Variants in GFOD2 observed in about 807,000 individuals in gnomAD.
GFOD2 encodes Gfo/Idh/MocA-like oxidoreductase domain containing 2.
GFOD2 carries 9 observed loss-of-function variants against 24.6 expected under a neutral mutation model. That is an observed-to-expected ratio of 0.37 (90% CI 0.22 to 0.64). GFOD2 has a LOEUF of 0.64. Ranked by LOEUF, GFOD2 falls within the 30% of genes least tolerant of loss-of-function variation. The probability of loss-of-function intolerance (pLI) is 0.65; values close to 1 mark genes in which losing one functional copy is unlikely to be tolerated. For missense variants in GFOD2, 476 were observed against 532.5 expected, an observed-to-expected ratio of 0.89 and a Z score of 1.04; for synonymous variants, 211 against 224.8, an observed-to-expected ratio of 0.94 and a Z score of 0.55.
chr16:67,687,153 A>G (rs1349092388), intron 1 of GFOD2, among the ~76,000 whole-genome samples: 3 of 151,676 alleles, frequency 2.0e-5, no homozygotes, highest in Non-Finnish European at 4.4e-5. Flanking sequence ...GTCACAAAAA[A>G]AAAAAAAAAA....
At chr16:67,685,358 C>G (rs145414699) in intron 2 of GFOD2, 99 bp downstream of exon 2, 4 of 1,556,626 alleles carry the variant, frequency 2.6e-6, no homozygotes, top group Non-Finnish European at 1.7e-6. Context: ...CCTGCAGATG[C>G]GAGCCCAGGA....
chr16:67,688,430 A>T (rs1371155918), intron 1 of GFOD2, among the ~76,000 whole-genome samples: 2 of 152,156 alleles, frequency 1.3e-5, no homozygotes, highest in African/African-American at 2.4e-5. Context: ...TTCATTGTAG[A>T]GTTTTTCTTC....
chr16:67,711,323 CA>C (rs941419982), intron 1 of GFOD2, among the ~76,000 whole-genome samples: 5 of 152,138 alleles, frequency 3.3e-5, no homozygotes, highest in Non-Finnish European at 7.4e-5. Context: ...TGGCAGGTTC[CA>C]ACCTCCTTGA....
chr16:67,677,783 A>G (rs1287853184), intron 2 of GFOD2: 1 of 152,288 alleles, frequency 6.6e-6, no homozygotes, highest in East Asian at 1.9e-4. Flanking sequence ...GTTGAAGCCC[A>G]TCTGGGCAAT....
chr16:67,685,709 T>A lies in GFOD2; in HGVS notation c.7A>T (p.Met3Leu). The stretch of plus-strand genomic sequence containing the variant: ...CCAAACACGCCCACTCCTGGCAGCA[T>A]CTTCATCCCAGCCTCTCTCTTTACC... MK[M>L]LPGVGVFGTG... Residue 3 changes from methionine to leucine, a missense_variant, in exon 2 of 3, where the codon ATG (methionine) becomes TTG (leucine). Transcript: ENST00000268797. 4 of 1,610,446 alleles carry A rather than the reference T, an allele frequency of 2.5e-6. No homozygotes were observed. The highest frequency in any genetic ancestry group is 3.4e-6 in the Non-Finnish European group (4 of 1,178,752).
Position 67,674,988 on chromosome 16 carries a change from G to A in GFOD2, c.*167C>T, listed in dbSNP as rs534218494. ...ACATTTGCCACCCTGCAAGTCTGAGGAGCAGATGAGCCACTGGAGGGGGCG... is the reference window on the plus strand; with the variant it reads ...ACATTTGCCACCCTGCAAGTCTGAGAAGCAGATGAGCCACTGGAGGGGGCG... On this transcript the variant is annotated 3_prime_UTR_variant, in exon 3 of 3. Coordinates refer to ENST00000268797, the MANE Select transcript of GFOD2 (RefSeq NM_030819.4). 1.2e-3 allele frequency: 895 copies of A among 727,966 alleles called. 6 individuals are homozygous for A. In the African/African-American group the frequency reaches 0.014, roughly 11 times the overall value. 45.1% of individuals were successfully genotyped at this position (727,966 alleles called of 1,614,324 possible). A position where few individuals can be genotyped will look rare whatever the true frequency, so the allele number is the denominator to read the frequency against.
chr16:67,703,887 T>C (rs1202828634), intron 1 of GFOD2, among the ~76,000 whole-genome samples: 2 of 152,178 alleles, frequency 1.3e-5, no homozygotes, highest in African/African-American at 4.8e-5. Flanking sequence ...CATTCTACTT[T>C]CTGTCTCTGA....
intron 2 of GFOD2, 195 bp downstream of exon 2, chr16:67,685,262 A>G: frequency 7.0e-7 from 1 of 1,433,982 alleles, no homozygotes; most frequent in Non-Finnish European, 9.1e-7. Flanking sequence ...AGGGATTTAC[A>G]GATGGGAGGT....
Position 67,675,706 on chromosome 16 carries a change from T to C in GFOD2, c.607A>G (p.Thr203Ala), listed in dbSNP as rs904750708. The C allele has an allele frequency of 6.2e-7, 1 of 1,613,908 alleles. No individual in the cohort carries two copies. The highest frequency in any genetic ancestry group is 1.3e-5 in the African/African-American group (1 of 74,946). The part of the protein sequence containing the change: ...RAEKVHGLLK[T>A]FVRQNAAIRG... ...ATGGCAGCGTTCTGCCTCACGAATG[T>C]CTTGAGCAGCCCGTGCACCTTCTCG... The change falls in exon 3 of 3, where the codon ACA (threonine) becomes GCA (alanine). Residue 203 changes from threonine to alanine, a missense_variant. Physicochemically the swap from Thr to Ala is moderately conservative, Grantham distance 58. Transcript: ENST00000268797.
intron 1 of GFOD2, among the ~76,000 whole-genome samples, chr16:67,701,894 T>C (rs2053404923): frequency 6.6e-6 from 1 of 151,694 alleles, no homozygotes; most frequent in South Asian, 2.1e-4. Context: ...GAGACTTTGG[T>C]GTGGAGGCTG....
chr16:67,675,138 G>A lies in GFOD2; in HGVS notation c.*17C>T, dbSNP rs1273135421. On this transcript the variant is annotated 3_prime_UTR_variant, in exon 3 of 3. Coordinates refer to ENST00000268797, the MANE Select transcript of GFOD2 (RefSeq NM_030819.4). Reference sequence around the variant, plus strand: ...CCCTGGTCCCTCTGCCCTGTGGCAAGGAGCCCAGGTGCAGGCTCATAGGTT... The same window carrying A: ...CCCTGGTCCCTCTGCCCTGTGGCAAAGAGCCCAGGTGCAGGCTCATAGGTT... The A allele has an allele frequency of 3.1e-6, 5 of 1,595,846 alleles. No homozygotes were observed. The highest frequency in any genetic ancestry group is 4.3e-6 in the Non-Finnish European group (5 of 1,169,142).
intron 1 of GFOD2, among the ~76,000 whole-genome samples, chr16:67,715,845 A>AC (rs1384334017): frequency 1.3e-5 from 2 of 152,032 alleles, no homozygotes; most frequent in Non-Finnish European, 2.9e-5. Flanking sequence ...CAAAAAAAAA[A>AC]AAAACTTGTT....
At chr16:67,698,212 CTCCTT>C (rs759255295) in intron 1 of GFOD2, among the ~76,000 whole-genome samples, 6 of 152,192 alleles carry the variant, frequency 3.9e-5, no homozygotes, top group Non-Finnish European at 7.3e-5. Flanking sequence ...AAGGTCACAG[CTCCTT>C]TAGAGGACCC....
chr16:67,700,477 C>T (rs1180432626), intron 1 of GFOD2, among the ~76,000 whole-genome samples: 2 of 152,086 alleles, frequency 1.3e-5, no homozygotes, highest in Non-Finnish European at 2.9e-5. Context: ...AAATTAAGGC[C>T]GGGCACGGTG....
intron 1 of GFOD2, among the ~76,000 whole-genome samples, chr16:67,715,835 CA>C (rs780303741): frequency 0.019 from 2,406 of 124,626 alleles, 51 homozygotes; most frequent in East Asian, 0.072. Flanking sequence ...CCCATCTCTA[CA>C]AAAAAAAAAA....
chr16:67,675,223 C>T lies in GFOD2; in HGVS notation c.1090G>A (p.Glu364Lys). 6.2e-7 allele frequency: 1 copy of T among 1,613,888 alleles called. No homozygotes were observed. Among genetic ancestry groups the T allele is most frequent in the Non-Finnish European group, 8.5e-7 (1 of 1,180,028 alleles). The change falls in exon 3 of 3, where the codon GAG becomes AAG. Residue 364 changes from glutamate (E) to lysine (K), a missense_variant. Coordinates refer to ENST00000268797, the MANE Select transcript of GFOD2 (RefSeq NM_030819.4). ...GTGTCGGGCTCCTCCGTCAGCACCT[C>T]CACAGCCTCCCACTCCCCGGATCGG... ...SSRSGEWEAV[E>K]VLTEEPDTNQ... is the part of the protein sequence containing the mutation.
chr16:67,681,344 T>G, intron 2 of GFOD2: 2 of 985,372 alleles, frequency 2.0e-6, no homozygotes, highest in Non-Finnish European at 1.2e-6. Context: ...GTGATAAAAC[T>G]AGGATAAGGA....
intron 1 of GFOD2, among the ~76,000 whole-genome samples, chr16:67,696,477 A>G (rs1193030709): frequency 2.6e-5 from 4 of 151,320 alleles, no homozygotes. Context: ...AATGGACTAG[A>G]ATTTTTTTTC....
Position 67,674,910 on chromosome 16 carries a change from G to A in GFOD2, c.*245C>T, listed in dbSNP as rs986598441. The A allele has an allele frequency of 2.0e-6, 1 of 501,998 alleles. No individual in the cohort carries two copies. The highest frequency in any genetic ancestry group is 3.0e-5 in the South Asian group (1 of 32,876). The allele number at this position is 501,998 out of a possible 1,614,324, so 31.1% of individuals were successfully genotyped here. A position where few individuals can be genotyped will look rare whatever the true frequency, so the allele number is the denominator to read the frequency against. ...TCCGACTCACTGGCATCACCATGAGGAGGCCTGGCGGCAGCTCTGCCCTGT... is the reference window on the plus strand; with the variant it reads ...TCCGACTCACTGGCATCACCATGAGAAGGCCTGGCGGCAGCTCTGCCCTGT... On this transcript the variant is annotated 3_prime_UTR_variant, in exon 3 of 3. Transcript: ENST00000268797.
Sources: allele counts gnomAD v4.1 joint callset (sites outside exome capture counted in the v4.1 genomes callset), GRCh38; gene constraint gnomAD v4.1.1; transcripts MANE v1.5; gene names NCBI Gene and HGNC (gene_info 2026-07-23, HGNC 2026-07-21).